The following NR5A2 variants were observed in gnomAD, a reference collection of about 807,000 sequenced individuals.
NR5A2 encodes nuclear receptor subfamily 5 group A member 2.
A neutral mutation model predicts 62.7 loss-of-function variants in NR5A2; 26 were observed. That is an observed-to-expected ratio of 0.41 (90% CI 0.30 to 0.58). The LOEUF is 0.58. NR5A2 is among the 20% of genes least tolerant of loss of function. NR5A2 has a pLI of 0.22. For missense variants in NR5A2, 541 were observed against 669.1 expected, an observed-to-expected ratio of 0.81 and a Z score of 2.11; for synonymous variants, 246 against 241.7, an observed-to-expected ratio of 1.02 and a Z score of -0.16.
chr1:200,171,515 A>G (rs1654180117), intron 7 of NR5A2, among the ~76,000 whole-genome samples: 1 of 152,170 alleles, frequency 6.6e-6, no homozygotes, highest in Admixed American at 6.5e-5. Context: ...TTGGGAGGCC[A>G]AGGTGGGTGG....
chr1:200,095,743 A>G (rs556634436), intron 5 of NR5A2, among the ~76,000 whole-genome samples: 76 of 151,830 alleles, frequency 5.0e-4, no homozygotes, highest in East Asian at 1.6e-3. Context: ...TAGTAGAGAC[A>G]GGGTTTTACC....
intron 5 of NR5A2, among the ~76,000 whole-genome samples, chr1:200,058,801 T>C (rs1397091848): frequency 6.7e-6 from 1 of 148,414 alleles, no homozygotes; most frequent in East Asian, 2.0e-4. Context: ...TTGTTTTTGT[T>C]TTTTTTTTTC....
intron 1 of NR5A2, among the ~76,000 whole-genome samples, chr1:200,028,134 G>A (rs1370447703): frequency 6.6e-6 from 1 of 151,960 alleles, no homozygotes; most frequent in Non-Finnish European, 1.5e-5. Context: ...TATATCTAGT[G>A]TTTACTGGTG....
At chr1:200,146,607 A>ATTTGTG (rs1275404215) in intron 7 of NR5A2, among the ~76,000 whole-genome samples, 1 of 152,250 alleles carries the variant, frequency 6.6e-6, no homozygotes, top group Non-Finnish European at 1.5e-5. Context: ...TTTAAACATT[A>ATTTGTG]AATAAAATTA....
intron 7 of NR5A2, chr1:200,148,177 C>T (rs541323422): frequency 9.3e-5 from 33 of 355,246 alleles, no homozygotes; most frequent in Non-Finnish European, 1.4e-4. Context: ...TTGTAGTGGA[C>T]GCTTCTGCAA....
chr1:200,075,640 G>T (rs1401547440), intron 5 of NR5A2, among the ~76,000 whole-genome samples: 1 of 152,200 alleles, frequency 6.6e-6, no homozygotes, highest in East Asian at 1.9e-4. Flanking sequence ...CGTTACCGTT[G>T]TAGCACAAGT....
intron 2 of NR5A2, among the ~76,000 whole-genome samples, chr1:200,043,458 C>T (rs898859182): frequency 6.6e-6 from 1 of 152,144 alleles, no homozygotes; most frequent in Non-Finnish European, 1.5e-5. Context: ...AAACTGTCAC[C>T]TTATGCAATT....
At chr1:200,150,074 T>TTGGA (rs1354950123) in intron 7 of NR5A2, among the ~76,000 whole-genome samples, 14 of 151,882 alleles carry the variant, frequency 9.2e-5, no homozygotes, top group African/African-American at 3.4e-4. Flanking sequence ...GGATGGTTGG[T>TTGGA]TGGATGGATA....
intron 5 of NR5A2, among the ~76,000 whole-genome samples, chr1:200,070,796 G>A (rs1285154309): frequency 2.7e-5 from 4 of 148,740 alleles, no homozygotes; most frequent in African/African-American, 5.0e-5. Context: ...ATTTAGAGCT[G>A]GTTTAAGTGG....
chr1:200,151,329 A>G (rs1008140206), intron 7 of NR5A2, among the ~76,000 whole-genome samples: 3 of 152,188 alleles, frequency 2.0e-5, no homozygotes, highest in East Asian at 1.9e-4. Flanking sequence ...AGATTATGCC[A>G]TGATTTACTG....
At chr1:200,172,807 G>A (rs1054717459) in intron 7 of NR5A2, among the ~76,000 whole-genome samples, 1 of 152,188 alleles carries the variant, frequency 6.6e-6, no homozygotes, top group African/African-American at 2.4e-5. Flanking sequence ...ACCGAGTTTA[G>A]TATCTTTATC....
intron 5 of NR5A2, among the ~76,000 whole-genome samples, chr1:200,058,688 A>C (rs1490952418): frequency 7.0e-6 from 1 of 142,710 alleles, no homozygotes; most frequent in East Asian, 2.3e-4. Flanking sequence ...CACGTTGGCC[A>C]GGCTGGTCTC....
At chr1:200,053,668 A>G (rs148151546) in intron 5 of NR5A2, among the ~76,000 whole-genome samples, 4,332 of 152,194 alleles carry the variant, frequency 0.028, 92 homozygotes, top group Non-Finnish European at 0.044. Context: ...AGCTAAAGCA[A>G]ATCTCTAGGT....
intron 5 of NR5A2, 75 bp from the exon 6 acceptor site, chr1:200,111,127 A>G: frequency 7.8e-6 from 12 of 1,547,728 alleles, no homozygotes; most frequent in African/African-American, 1.4e-5. Context: ...TGAAAATTAC[A>G]CAAAAACAAA....
intron 5 of NR5A2, among the ~76,000 whole-genome samples, chr1:200,063,028 GT>G (rs760447996): frequency 0.034 from 4,823 of 142,480 alleles, 258 homozygotes; most frequent in African/African-American, 0.11. Context: ...ACTTTGGCGT[GT>G]TTTTTTTTTT....
At chr1:200,078,263 G>A (rs749719885) in intron 5 of NR5A2, among the ~76,000 whole-genome samples, 1 of 152,126 alleles carries the variant, frequency 6.6e-6, no homozygotes, top group Non-Finnish European at 1.5e-5. Context: ...AGAGATACTC[G>A]TGTGTGTTAT....
At chr1:200,107,451 A>G (rs980599550) in intron 5 of NR5A2, among the ~76,000 whole-genome samples, 1 of 152,218 alleles carries the variant, frequency 6.6e-6, no homozygotes, top group East Asian at 1.9e-4. Flanking sequence ...CGTGTTAGAC[A>G]CAAAGGAAGA....
In NR5A2 at chr1:200,043,905, A is replaced by T; in HGVS notation, c.321+13A>T. ...TGAAAGCTGCAAGGTTTGCTCACAC[A>T]TTGCTACCTGAAAAATATAATGTCC... On this transcript the variant is annotated intron_variant, in intron 3 of 7. Transcript: ENST00000367362. The T allele has an allele frequency of 6.6e-7, 1 of 1,512,690 alleles. No homozygotes were observed. The highest frequency in any genetic ancestry group is 9.2e-7 in the Non-Finnish European group (1 of 1,092,054). 93.7% of individuals were successfully genotyped at this position (1,512,690 alleles called of 1,614,324 possible).
Position 200,147,970 on chromosome 1 carries a change from G to A in NR5A2, c.1379-25993G>A, listed in dbSNP as rs376493232. The A allele has an allele frequency of 4.4e-4, 141 of 322,124 alleles. No individual in the cohort carries two copies. The highest frequency in any genetic ancestry group is 2.4e-3 in the African/African-American group (109 of 45,472). 20.0% of individuals were successfully genotyped at this position (322,124 alleles called of 1,614,324 possible). A position where few individuals can be genotyped will look rare whatever the true frequency, so the allele number is the denominator to read the frequency against. On this transcript the variant is annotated intron_variant, in intron 7 of 7. Coordinates refer to ENST00000367362, the MANE Select transcript of NR5A2 (RefSeq NM_205860.3). The surrounding 1 kb of genome is among the most constrained non-coding windows in gnomAD (Gnocchi z 4.9). ...GTTGCCCTGTGGTAGGCGATGCATCGGGCGGCCGCCTTGACCTCCTCCCGC... is the reference window on the plus strand; with the variant it reads ...GTTGCCCTGTGGTAGGCGATGCATCAGGCGGCCGCCTTGACCTCCTCCCGC...
Sources: gnomAD v4.1 joint callset for allele counts (sites outside exome capture counted in the v4.1 genomes callset) on GRCh38, gnomAD v4.1.1 for gene constraint, Gnocchi (gnomAD v3.1) non-coding constraint, MANE v1.5 for transcripts, NCBI Gene and HGNC (gene_info 2026-07-23, HGNC 2026-07-21) for gene names.